Variants in TRAF3IP1 observed in about 807,000 individuals in gnomAD.
The protein encoded by TRAF3IP1 is TRAF3-interacting protein 1.
A neutral mutation model predicts 89.9 loss-of-function variants in TRAF3IP1; 53 were observed. That is an observed-to-expected ratio of 0.59 (90% confidence interval 0.47 to 0.74). The LOEUF is 0.74. Ranked by LOEUF, TRAF3IP1 falls within the 30% of genes least tolerant of loss-of-function variation. The pLI is 0.00. For missense variants in TRAF3IP1, 806 were observed against 866.1 expected, an observed-to-expected ratio of 0.93 and a Z score of 0.87; for synonymous variants, 311 against 322.1, an observed-to-expected ratio of 0.97 and a Z score of 0.37.
At position 238,349,421 on chromosome 2, in the gene TRAF3IP1, C is replaced by T; in HGVS notation, c.1451+13C>T. ...TACAAATGGATAGGTAAGGCTGGCT[C>T]AGCAGGGCAGTTCCAGCCACACAGT... On this transcript the variant is annotated intron_variant, in intron 12 of 16. Coordinates refer to ENST00000373327, the MANE Select transcript of TRAF3IP1 (RefSeq NM_015650.4). 1 of 1,612,708 alleles carries T rather than the reference C, an allele frequency of 6.2e-7. No individual in the cohort carries two copies. The highest frequency in any genetic ancestry group is 8.5e-7 in the Non-Finnish European group (1 of 1,179,404).
chr2:238,326,843 GC>G (rs1218708736), intron 3 of TRAF3IP1, among the ~76,000 whole-genome samples: 1 of 152,014 alleles, frequency 6.6e-6, no homozygotes, highest in Non-Finnish European at 1.5e-5. Context: ...CTCCTAGGAG[GC>G]CCCCCCAGTG....
intron 9 of TRAF3IP1, among the ~76,000 whole-genome samples, chr2:238,346,559 A>G (rs1698904047): frequency 6.6e-6 from 1 of 152,162 alleles, no homozygotes; most frequent in Non-Finnish European, 1.5e-5. Flanking sequence ...ATGCTCACAG[A>G]AAGTCCTCCT....
chr2:238,345,872 G>A lies in TRAF3IP1; in HGVS notation c.1261+1274G>A, dbSNP rs974455549. Among the ~76,000 whole-genome samples, 1 of 152,144 alleles carries A rather than the reference G, an allele frequency of 6.6e-6. No homozygotes were observed. The highest frequency in any genetic ancestry group is 2.4e-5 in the African/African-American group (1 of 41,424). On this transcript the variant is annotated intron_variant, in intron 9 of 16. Transcript: ENST00000373327. The surrounding 1 kb of genome is among the most constrained non-coding windows in gnomAD (Gnocchi z 4.7). ...GCACTGGCGCTGTGGAAGCACAGGCGTCGGGGAGGATGGTGTGGGCCATGT... is the reference window on the plus strand; with the variant it reads ...GCACTGGCGCTGTGGAAGCACAGGCATCGGGGAGGATGGTGTGGGCCATGT...
intron 15 of TRAF3IP1, among the ~76,000 whole-genome samples, chr2:238,371,173 G>A (rs1015163749): frequency 6.6e-6 from 1 of 152,196 alleles, no homozygotes; most frequent in Non-Finnish European, 1.5e-5. Flanking sequence ...TAAAGAGCGT[G>A]AAGCTTGACC....
At chr2:238,350,593 A>G (rs1699106229) in intron 12 of TRAF3IP1, among the ~76,000 whole-genome samples, 1 of 151,852 alleles carries the variant, frequency 6.6e-6, no homozygotes, top group Admixed American at 6.6e-5. Flanking sequence ...ATCTGGAGAC[A>G]TTTTCTGGTG....
At chr2:238,346,671 TC>T (rs1291518729) in intron 9 of TRAF3IP1, among the ~76,000 whole-genome samples, 1 of 152,218 alleles carries the variant, frequency 6.6e-6, no homozygotes, top group East Asian at 1.9e-4. Flanking sequence ...CATGAACTGT[TC>T]CTGTCTGAGG....
chr2:238,339,263 A>G (rs1698525281), intron 8 of TRAF3IP1, among the ~76,000 whole-genome samples: 1 of 152,150 alleles, frequency 6.6e-6, no homozygotes, highest in Non-Finnish European at 1.5e-5. Flanking sequence ...TTTTATTCCA[A>G]GTAGGGTGAC....
intron 7 of TRAF3IP1, among the ~76,000 whole-genome samples, chr2:238,334,788 G>A (rs540425161): frequency 7.2e-5 from 11 of 152,370 alleles, no homozygotes; most frequent in African/African-American, 2.6e-4. Context: ...CTTAGTGCCA[G>A]AAGCCTTTGC....
intron 14 of TRAF3IP1, 36 bp downstream of exon 14, chr2:238,353,245 G>A: frequency 2.5e-6 from 4 of 1,611,342 alleles, no homozygotes; most frequent in Non-Finnish European, 3.4e-6. Context: ...GTATGTCCAT[G>A]TGTGTGTGCT....
intron 6 of TRAF3IP1, 40 bp from the exon 7 acceptor site, chr2:238,333,920 A>G (rs1179813319): frequency 3.8e-5 from 57 of 1,495,180 alleles, no homozygotes; most frequent in Non-Finnish European, 5.1e-5. Flanking sequence ...ACTGCTGTGT[A>G]ATACATCAAT....
chr2:238,343,646 CTTTTTTTTT>C (rs34626636), intron 8 of TRAF3IP1, among the ~76,000 whole-genome samples: 5 of 113,464 alleles, frequency 4.4e-5, no homozygotes, highest in Non-Finnish European at 9.1e-5. Flanking sequence ...TGTGCTTGGC[CTTTTTTTTT>C]TTTTTTTTTT....
chr2:238,325,421 T>C, intron 2 of TRAF3IP1, 47 bp downstream of exon 2: 1 of 1,596,388 alleles, frequency 6.3e-7, no homozygotes, highest in Non-Finnish European at 8.6e-7. Context: ...CCTTAACGGA[T>C]GGGATTTTTT....
At chr2:238,361,830 C>T (rs543290184) in intron 15 of TRAF3IP1, among the ~76,000 whole-genome samples, 2 of 152,324 alleles carry the variant, frequency 1.3e-5, no homozygotes, top group East Asian at 3.9e-4. Context: ...TTGATCTTCG[C>T]TTGACTTGAC....
At chr2:238,321,647 C>T (rs1021775819) in intron 1 of TRAF3IP1, among the ~76,000 whole-genome samples, 1 of 152,214 alleles carries the variant, frequency 6.6e-6, no homozygotes, top group Non-Finnish European at 1.5e-5. Flanking sequence ...CAACAAACAT[C>T]CCCTGTTGAG....
At chr2:238,374,411 T>C (rs910704878) in intron 15 of TRAF3IP1, among the ~76,000 whole-genome samples, 7 of 152,224 alleles carry the variant, frequency 4.6e-5, no homozygotes, top group African/African-American at 1.7e-4. Flanking sequence ...CGGTTCTGTT[T>C]ATGTGATGGA....
At chr2:238,396,219 G>A (rs1415024196) in intron 15 of TRAF3IP1, among the ~76,000 whole-genome samples, 1 of 152,116 alleles carries the variant, frequency 6.6e-6, no homozygotes, top group Non-Finnish European at 1.5e-5. Context: ...ATGAGTTCAT[G>A]TCCTTTGTAG....
intron 12 of TRAF3IP1, among the ~76,000 whole-genome samples, chr2:238,352,333 C>T (rs529374212): frequency 1.3e-5 from 2 of 152,246 alleles, no homozygotes; most frequent in South Asian, 4.1e-4. Context: ...AATGAGGGGC[C>T]TCCAGCTGGC....
intron 5 of TRAF3IP1, 57 bp downstream of exon 5, chr2:238,329,399 A>G: frequency 7.6e-7 from 1 of 1,314,158 alleles, no homozygotes; most frequent in Non-Finnish European, 9.8e-7. Flanking sequence ...GGTGGTCTCA[A>G]ACATGATTTT....
chr2:238,392,137 G>A (rs1480390569), intron 15 of TRAF3IP1, among the ~76,000 whole-genome samples: 1 of 152,214 alleles, frequency 6.6e-6, no homozygotes, highest in East Asian at 1.9e-4. Context: ...TTGGCAGGCT[G>A]AGGCAGGAGA....
Sources: gnomAD v4.1 joint callset for allele counts (sites outside exome capture counted in the v4.1 genomes callset) on GRCh38, gnomAD v4.1.1 for gene constraint, Gnocchi (gnomAD v3.1) non-coding constraint, MANE v1.5 for transcripts, NCBI Gene and HGNC (gene_info 2026-07-23, HGNC 2026-07-21) for gene names.